The following LTBP1 variants were observed in gnomAD, a reference collection of about 807,000 sequenced individuals.
LTBP1 encodes latent transforming growth factor beta binding protein 1.
Under a neutral mutation model 207.6 loss-of-function variants are expected in LTBP1, and 129 were observed. The ratio of observed to expected loss-of-function variants is 0.62; its 90% CI spans 0.54 to 0.72. The LOEUF is 0.72. LTBP1 is among the 30% of genes least tolerant of loss of function. The pLI is 0.00. For synonymous variants in LTBP1, 963 were observed against 833.7 expected, an observed-to-expected ratio of 1.16 and a Z score of -2.67; for missense variants, 2,281 against 2,217.2, an observed-to-expected ratio of 1.03 and a Z score of -0.58.
At chr2:33,366,596 G>A (rs1283721343) in intron 31 of LTBP1, among the ~76,000 whole-genome samples, 1 of 152,218 alleles carries the variant, frequency 6.6e-6, no homozygotes, top group East Asian at 1.9e-4. Context: ...GCAGGTCTGG[G>A]GCCAGTTGGC....
intron 7 of LTBP1, among the ~76,000 whole-genome samples, chr2:33,203,520 C>T (rs2089552527): frequency 6.6e-6 from 1 of 152,216 alleles, no homozygotes; most frequent in South Asian, 2.1e-4. Flanking sequence ...TAGATGTCTT[C>T]TGGGAACCAA....
rs368010944 is a variant in LTBP1, at chr2:33,138,928, G to A, written c.1201+3968G>A. ...GGCTGGAGTGCAGTGGCGCGATCTC[G>A]GCTCACTGCAAGCTCCGCCTCCCGG... On this transcript the variant is annotated intron_variant, in intron 5 of 33. Transcript: ENST00000404816. 2.4e-3 allele frequency among the ~76,000 whole-genome samples: 318 copies of A among 130,474 alleles called. 1 individual carries two copies. The highest frequency in any genetic ancestry group is 0.02 in the Admixed American group (222 of 11,126). 85.6% of individuals were successfully genotyped at this position (130,474 alleles called of 152,430 possible).
intron 2 of LTBP1, among the ~76,000 whole-genome samples, chr2:32,951,532 G>C (rs1252344160): frequency 6.6e-6 from 1 of 152,160 alleles, no homozygotes; most frequent in Non-Finnish European, 1.5e-5. Flanking sequence ...GCTGAGTAGT[G>C]TGATGCCAGG....
At chr2:33,282,384 C>T (rs1477045030) in intron 19 of LTBP1, among the ~76,000 whole-genome samples, 1 of 152,182 alleles carries the variant, frequency 6.6e-6, no homozygotes. Flanking sequence ...TCATATTGGA[C>T]TTGCAGCTCT....
At chr2:33,155,708 C>G (rs978681731) in intron 5 of LTBP1, among the ~76,000 whole-genome samples, 1 of 152,124 alleles carries the variant, frequency 6.6e-6, no homozygotes, top group Admixed American at 6.5e-5. Context: ...TCCCACTGCA[C>G]TTCTGGTGTT....
At chr2:33,013,609 G>A (rs1050985382) in intron 2 of LTBP1, among the ~76,000 whole-genome samples, 7 of 151,556 alleles carry the variant, frequency 4.6e-5, no homozygotes, top group African/African-American at 1.7e-4. Flanking sequence ...GTTATACATG[G>A]CAGTGATAAG....
At chr2:33,085,018 T>C (rs926106679) in intron 3 of LTBP1, among the ~76,000 whole-genome samples, 2 of 152,202 alleles carry the variant, frequency 1.3e-5, no homozygotes, top group African/African-American at 4.8e-5. Flanking sequence ...GATGTAACCA[T>C]GTGGGTTCTA....
At chr2:33,006,360 G>A (rs2149039440) in intron 2 of LTBP1, among the ~76,000 whole-genome samples, 1 of 150,000 alleles carries the variant, frequency 6.7e-6, no homozygotes, top group Middle Eastern at 3.5e-3. Context: ...TCTCCATTCA[G>A]AATGTCAGAA....
chr2:33,332,393 AAAAAAG>A (rs2094505071), intron 24 of LTBP1, among the ~76,000 whole-genome samples: 13 of 144,296 alleles, frequency 9.0e-5, no homozygotes, highest in African/African-American at 3.3e-4. Context: ...AAAAAAAAAA[AAAAAAG>A]AGAGAGAGAG....
intron 3 of LTBP1, among the ~76,000 whole-genome samples, chr2:33,078,862 C>CTTTTTTTTTTTTTTTTTTTTTTTTTTT: frequency 9.4e-6 from 1 of 106,888 alleles, no homozygotes; most frequent in Non-Finnish European, 1.8e-5. Flanking sequence ...CTTTTCTTTT[C>CTTTTTTTTTTTTTTTTTTTTTTTTTTT]TTTTTTTTTT....
At chr2:33,390,520 G>T (rs545786119) in intron 32 of LTBP1, among the ~76,000 whole-genome samples, 5 of 151,108 alleles carry the variant, frequency 3.3e-5, no homozygotes, top group African/African-American at 7.3e-5. Flanking sequence ...ATAGGGTCTC[G>T]CTCTGTTGCC....
intron 4 of LTBP1, among the ~76,000 whole-genome samples, chr2:33,122,162 G>C (rs144094459): frequency 2.7e-4 from 41 of 150,168 alleles, no homozygotes; most frequent in Non-Finnish European, 2.5e-4. Flanking sequence ...CTATGGGTTC[G>C]GAGCGGGAGC....
intron 9 of LTBP1, among the ~76,000 whole-genome samples, chr2:33,227,732 A>G (rs2091520353): frequency 1.3e-5 from 2 of 150,622 alleles, no homozygotes; most frequent in African/African-American, 4.9e-5. Context: ...CAGAGGCCCA[A>G]TTTTTAAAAA....
chr2:33,061,549 G>C (rs1484543253), intron 3 of LTBP1: 1 of 152,066 alleles, frequency 6.6e-6, no homozygotes, highest in Non-Finnish European at 1.5e-5. Flanking sequence ...AACTTCATGT[G>C]AGATTATACA....
Position 33,397,423 on chromosome 2 carries a change from G to A in LTBP1, c.4984+141G>A, listed in dbSNP as rs1380505796. 4.1e-6 allele frequency: 3 copies of A among 728,334 alleles called. No homozygotes were observed. The East Asian group carries it at 8.8e-5, about 21-fold the overall frequency. The allele number at this position is 728,334 out of a possible 1,614,324, so 45.1% of individuals were successfully genotyped here. A position where few individuals can be genotyped will look rare whatever the true frequency, so the allele number is the denominator to read the frequency against. On this transcript the variant is annotated intron_variant, in intron 33 of 33. Transcript: ENST00000404816. Reference sequence around the variant, plus strand: ...GTTCTGGAGATGTACATTAAGTACAGTATGAATATACTTAATGCCACTGGA... The same window carrying A: ...GTTCTGGAGATGTACATTAAGTACAATATGAATATACTTAATGCCACTGGA...
rs1047839232 is a variant in LTBP1, at chr2:33,070,924, A to G, written c.864-39658A>G. Among the ~76,000 whole-genome samples the G allele has an allele frequency of 3.3e-5, 5 of 152,196 alleles. No homozygotes were observed. The East Asian group carries it at 9.6e-4, about 29-fold the overall frequency. ...AGTTCATTTCTCTGGGCATTTCCTC[A>G]TCATCCAATTGCTGGGCTGAGTGAT... On this transcript the variant is annotated intron_variant, in intron 3 of 33. Coordinates refer to ENST00000404816, the MANE Select transcript of LTBP1 (RefSeq NM_206943.4).
chr2:32,953,934 A>T (rs1677616823), intron 2 of LTBP1, among the ~76,000 whole-genome samples: 1 of 152,158 alleles, frequency 6.6e-6, no homozygotes, highest in Non-Finnish European at 1.5e-5. Flanking sequence ...CACCCTTTTA[A>T]TACGGACCAA....
chr2:33,251,634 C>T (rs2092687185), intron 10 of LTBP1, among the ~76,000 whole-genome samples: 1 of 145,132 alleles, frequency 6.9e-6, no homozygotes, highest in South Asian at 2.2e-4. Context: ...CACTGCACTC[C>T]GGCCTCGGCA....
intron 15 of LTBP1, among the ~76,000 whole-genome samples, chr2:33,273,056 A>G (rs115159974): frequency 0.019 from 2,941 of 152,304 alleles, 37 homozygotes; most frequent in Middle Eastern, 0.031. Flanking sequence ...AAAAGATTCT[A>G]CTTTACCAGT....
Sources: gnomAD v4.1 joint callset for allele counts (sites outside exome capture counted in the v4.1 genomes callset) on GRCh38, gnomAD v4.1.1 for gene constraint, MANE v1.5 for transcripts, NCBI Gene and HGNC (gene_info 2026-07-23, HGNC 2026-07-21) for gene names.